The following CLDND2 variants were observed in gnomAD, a reference collection of about 807,000 sequenced individuals.
CLDND2 encodes the protein claudin domain containing 2.
CLDND2 carries 18 observed loss-of-function variants against 17.7 expected under a neutral mutation model. The observed-to-expected ratio is 1.02, with a 90% CI of 0.70 to 1.51. The LOEUF is 1.51. CLDND2 is among the 40% of genes most tolerant of loss of function. The pLI is 0.00. For synonymous variants in CLDND2, 113 were observed against 93.0 expected (o/e 1.22, Z -1.24); for missense variants, 233 against 219.6 (o/e 1.06, Z -0.39).
At position 51,368,419 on chromosome 19, in the gene CLDND2, G is replaced by T. The variant is rs1441380989; in HGVS notation, c.159C>A (p.Ile53=). ...QECNHGICSS[I]PCQTTLAVTV... The stretch of plus-strand genomic sequence containing the variant: ...CGGGCGGAGCCTCACTCTGGCAGGG[G>T]ATGCTGGAGCAGATGCCGTGGTTGC... The change falls in exon 1 of 4, where the codon ATC becomes ATA. Residue 53 remains isoleucine, a synonymous_variant. Transcript: ENST00000291715. The T allele has an allele frequency of 1.2e-6, 2 of 1,612,470 alleles. No individual in the cohort carries two copies. Among genetic ancestry groups the T allele is most frequent in the Admixed American group, 1.7e-5 (1 of 59,944 alleles).
Position 51,367,426 on chromosome 19 carries a change from T to A in CLDND2, c.430+31A>T, listed in dbSNP as rs1479185149. Reference sequence around the variant, plus strand: ...TGGGGTGAGGGTCTTCTGGGCAGTCTCCTCCACCCTCTTCCCGCTGTCCAG... The same window carrying A: ...TGGGGTGAGGGTCTTCTGGGCAGTCACCTCCACCCTCTTCCCGCTGTCCAG... On this transcript the variant is annotated intron_variant, in intron 3 of 3. Transcript: ENST00000291715. This position sits in a 1 kb window ranked among gnomAD's most constrained non-coding sequence, Gnocchi z 7.4. 8.2e-6 allele frequency: 13 copies of A among 1,577,966 alleles called. No homozygotes were observed. Among genetic ancestry groups the A allele is most frequent in the Non-Finnish European group, 1.1e-5 (13 of 1,158,870 alleles).
chr19:51,367,468 G>A lies in CLDND2; in HGVS notation c.419C>T (p.Ser140Leu). ...YFSGWLALPFSILAGFCFLLA... is the reference protein window; with the variant it reads ...YFSGWLALPFLILAGFCFLLA... ...GCTGTCCAGTTTACCCGCGAGAATT[G>A]AGAAGGGTAAGGCCAGCCACCCAGA... is the stretch of plus-strand genomic sequence containing the variant. Residue 140 changes from serine to leucine, a missense_variant, in exon 3 of 4, where the codon TCA becomes TTA. Physicochemically the swap from Ser to Leu is moderately radical, Grantham distance 145. Transcript: ENST00000291715. The surrounding 1 kb of genome is among the most constrained non-coding windows in gnomAD (Gnocchi z 7.4). 1.2e-6 allele frequency: 2 copies of A among 1,600,792 alleles called. No homozygotes were observed. The highest frequency in any genetic ancestry group is 1.7e-6 in the Non-Finnish European group (2 of 1,172,898).
At chr19:51,368,232 G>T in intron 1 of CLDND2, 177 bp downstream of exon 1, 12 of 911,774 alleles carry the variant, frequency 1.3e-5, no homozygotes, top group Non-Finnish European at 2.0e-5. Context: ...ACGGGGAGGG[G>T]GTCGGGGACA....
rs1986479011 is a variant in CLDND2 at position 51,367,845 on chromosome 19, C to A, written c.310+41G>T. On this transcript the variant is annotated intron_variant, in intron 2 of 3. Transcript: ENST00000291715. The surrounding 1 kb of genome is among the most constrained non-coding windows in gnomAD (Gnocchi z 7.4). ...GACCAGGCCCCTCCATCACCCAGGGCCCGCCCCTGCCTGCCCGCCTGGGGC... is the reference window on the plus strand; with the variant it reads ...GACCAGGCCCCTCCATCACCCAGGGACCGCCCCTGCCTGCCCGCCTGGGGC... The A allele has an allele frequency of 1.3e-6, 2 of 1,597,846 alleles. No individual in the cohort carries two copies. Among genetic ancestry groups the A allele is most frequent in the African/African-American group, 2.7e-5 (2 of 74,784 alleles).
rs931606255 is a variant in CLDND2, at chr19:51,368,670, C to T, written c.-93G>A. 2.4e-5 allele frequency: 27 copies of T among 1,111,870 alleles called. 1 individual carries two copies. The African/African-American group carries it at 3.5e-4, about 14-fold the overall frequency. 68.9% of individuals were successfully genotyped at this position (1,111,870 alleles called of 1,614,324 possible). ...CCAGCTGAGGAGCCCGCTTCCTCCA[C>T]ACTCCTCCCCTGGTACTCCTGCCTG... On this transcript the variant is annotated 5_prime_UTR_variant, in exon 1 of 4. It adds an upstream start codon to the 5' untranslated region. Transcript: ENST00000291715.
chr19:51,366,807 G>A (rs1355029317), downstream of CLDND2, among the ~76,000 whole-genome samples: 2 of 151,854 alleles, frequency 1.3e-5, no homozygotes, highest in Admixed American at 1.3e-4. Flanking sequence ...CCATCCCCGT[G>A]TTCCCTGTCC....
Position 51,367,665 on chromosome 19 carries a change from C to T in CLDND2, c.311-89G>A. ...CCCCTTCAGACCCGCCCCCTTCTAT[C>T]AGACCACGCCTATCGCCTCTCAGCC... On this transcript the variant is annotated intron_variant, in intron 2 of 3. Coordinates refer to ENST00000291715, the MANE Select transcript of CLDND2 (RefSeq NM_152353.3). This position sits in a 1 kb window ranked among gnomAD's most constrained non-coding sequence, Gnocchi z 7.4. 1 of 1,518,400 alleles carries T rather than the reference C, an allele frequency of 6.6e-7. No individual in the cohort carries two copies. The highest frequency in any genetic ancestry group is 8.8e-7 in the Non-Finnish European group (1 of 1,132,224). The allele number at this position is 1,518,400 out of a possible 1,614,324, so 94.1% of individuals were successfully genotyped here. A position where few individuals can be genotyped will look rare whatever the true frequency, so the allele number is the denominator to read the frequency against.
rs1430014678 is a variant in CLDND2, at chr19:51,367,385, G to T, written c.430+72C>A. The T allele has an allele frequency of 1.4e-6, 2 of 1,474,074 alleles. No homozygotes were observed. The highest frequency in any genetic ancestry group is 1.9e-6 in the Non-Finnish European group (2 of 1,073,654). 91.3% of individuals were successfully genotyped at this position (1,474,074 alleles called of 1,614,324 possible). A position where few individuals can be genotyped will look rare whatever the true frequency, so the allele number is the denominator to read the frequency against. On this transcript the variant is annotated intron_variant, in intron 3 of 3. Coordinates refer to ENST00000291715, the MANE Select transcript of CLDND2 (RefSeq NM_152353.3). The surrounding 1 kb of genome is among the most constrained non-coding windows in gnomAD (Gnocchi z 7.4). ...GAGGTCCCCGGGGTTTCCTGGGAGG[G>T]CAGCTGGGGAGCCTCTGGGGTGAGG...
At position 51,368,791 on chromosome 19, in the gene CLDND2, G is replaced by A. The variant is rs1986550723; in HGVS notation, c.-214C>T. On this transcript the variant is annotated 5_prime_UTR_variant, in exon 1 of 4. Coordinates refer to ENST00000291715, the MANE Select transcript of CLDND2 (RefSeq NM_152353.3). ...CCCTCCAGACCTCGTTCCCCTTACTGGAGACCTTGAGACTTCCCCTGAGAG... is the reference window on the plus strand; with the variant it reads ...CCCTCCAGACCTCGTTCCCCTTACTAGAGACCTTGAGACTTCCCCTGAGAG... 1.9e-6 allele frequency: 1 copy of A among 540,212 alleles called. No individual in the cohort carries two copies. Among genetic ancestry groups the A allele is most frequent in the Non-Finnish European group, 3.3e-6 (1 of 303,038 alleles). The allele number at this position is 540,212 out of a possible 1,614,324, so 33.5% of individuals were successfully genotyped here.
chr19:51,368,025 G>T lies in CLDND2; in HGVS notation c.171C>A (p.Thr57=). The T allele has an allele frequency of 6.2e-7, 1 of 1,606,728 alleles. No homozygotes were observed. Among genetic ancestry groups the T allele is most frequent in the Non-Finnish European group, 8.5e-7 (1 of 1,177,250 alleles). ...HGICSSIPCQ[T]TLAVTVACMV... is the part of the protein sequence containing the mutation. The stretch of plus-strand genomic sequence containing the variant: ...TGCACGCCACAGTCACCGCCAGCGT[G>T]GCTGGGGAGAGCGGGCGCATCAGCC... Residue 57 remains threonine (T), a splice_region_variant and synonymous_variant, in exon 2 of 4, where the codon ACC becomes ACA. Transcript: ENST00000291715.
At position 51,367,141 on chromosome 19, in the gene CLDND2, G is replaced by C; in HGVS notation, c.*1C>G. 1 of 1,614,148 alleles carries C rather than the reference G, an allele frequency of 6.2e-7. No homozygotes were observed. The highest frequency in any genetic ancestry group is 8.5e-7 in the Non-Finnish European group (1 of 1,179,942). ...TTTATTCTGCCCCAGGCAGGCTGCA[G>C]TCACAGACACACGGGGAATCCACTG... On this transcript the variant is annotated 3_prime_UTR_variant, in exon 4 of 4. Coordinates refer to ENST00000291715, the MANE Select transcript of CLDND2 (RefSeq NM_152353.3). This position sits in a 1 kb window ranked among gnomAD's most constrained non-coding sequence, Gnocchi z 7.4.
Position 51,367,168 on chromosome 19 carries a change from T to C in CLDND2, c.478A>G (p.Ile160Val), listed in dbSNP as rs199917528. ...ADMIMQSTDAISGFPVCL is the reference protein window; with the variant it reads ...ADMIMQSTDAVSGFPVCL The stretch of plus-strand genomic sequence containing the variant: ...CACAGACACACGGGGAATCCACTGA[T>C]GGCGTCGGTGCTCTGCATGATCATG... Residue 160 changes from isoleucine (I) to valine (V), a missense_variant, in exon 4 of 4, where the codon ATC becomes GTC. By Grantham distance (29) the Ile-to-Val change is conservative. Transcript: ENST00000291715. The surrounding 1 kb of genome is among the most constrained non-coding windows in gnomAD (Gnocchi z 7.4). The C allele has an allele frequency of 1.8e-4, 289 of 1,614,200 alleles. No homozygotes were observed. Among genetic ancestry groups the C allele is most frequent in the Admixed American group, 7.0e-4 (42 of 60,024 alleles).
rs1437001509 is a variant in CLDND2, at chr19:51,368,336, A to G, written c.169+73T>C. 2.0e-6 allele frequency: 3 copies of G among 1,499,150 alleles called. No homozygotes were observed. In the Admixed American group the frequency reaches 6.0e-5, roughly 30 times the overall value. 92.9% of individuals were successfully genotyped at this position (1,499,150 alleles called of 1,614,324 possible). A position where few individuals can be genotyped will look rare whatever the true frequency, so the allele number is the denominator to read the frequency against. On this transcript the variant is annotated intron_variant, in intron 1 of 3. Coordinates refer to ENST00000291715, the MANE Select transcript of CLDND2 (RefSeq NM_152353.3). ...GGGTGGAAGGGGTGGGCGTCTCGCCATGGGCCCAGCTGTGTGTCCCGAGCC... is the reference window on the plus strand; with the variant it reads ...GGGTGGAAGGGGTGGGCGTCTCGCCGTGGGCCCAGCTGTGTGTCCCGAGCC...
chr19:51,367,080 A>G, downstream of CLDND2: 5 of 1,546,182 alleles, frequency 3.2e-6, no homozygotes, highest in Non-Finnish European at 4.5e-6. This position sits in a 1 kb window ranked among gnomAD's most constrained non-coding sequence, Gnocchi z 7.4. Flanking sequence ...CCCGCAGAAA[A>G]GCACGCGGAG....
downstream of CLDND2, chr19:51,367,062 C>A: frequency 7.3e-7 from 1 of 1,364,680 alleles, no homozygotes; most frequent in Non-Finnish European, 1.0e-6. The surrounding 1 kb of genome is among the most constrained non-coding windows in gnomAD (Gnocchi z 7.4). Flanking sequence ...GTGCCTGCGT[C>A]CCCACGACCC....
Position 51,368,683 on chromosome 19 carries a change from G to T in CLDND2, c.-106C>A. On this transcript the variant is annotated 5_prime_UTR_variant, in exon 1 of 4. Coordinates refer to ENST00000291715, the MANE Select transcript of CLDND2 (RefSeq NM_152353.3). The stretch of plus-strand genomic sequence containing the variant: ...CCGCTTCCTCCACACTCCTCCCCTG[G>T]TACTCCTGCCTGAGGTCCCTGCTTC... 1 of 1,001,408 alleles carries T rather than the reference G, an allele frequency of 1.0e-6. No individual in the cohort carries two copies. The highest frequency in any genetic ancestry group is 1.4e-6 in the Non-Finnish European group (1 of 700,592). 62.0% of individuals were successfully genotyped at this position (1,001,408 alleles called of 1,614,324 possible).
intron 1 of CLDND2, 185 bp downstream of exon 1, chr19:51,368,224 G>T: frequency 2.3e-6 from 2 of 884,856 alleles, no homozygotes; most frequent in East Asian, 2.6e-5. Context: ...CTACCAGGAC[G>T]GGGAGGGGGT....
Position 51,367,493 on chromosome 19 carries a change from A to G in CLDND2, c.394T>C (p.Ser132Pro). The change falls in exon 3 of 4, where the codon TCT becomes CCT. Residue 132 changes from serine to proline, a missense_variant. Ser to Pro is a moderately conservative substitution (Grantham distance 74). Transcript: ENST00000291715. The surrounding 1 kb of genome is among the most constrained non-coding windows in gnomAD (Gnocchi z 7.4). Reference sequence around the variant, plus strand: ...GAGAAGGGTAAGGCCAGCCACCCAGAAAAATAGGACCAAGAGAAGAAGACG... The same window carrying G: ...GAGAAGGGTAAGGCCAGCCACCCAGGAAAATAGGACCAAGAGAAGAAGACG... ...NNVFFSWSYF[S>P]GWLALPFSIL... The G allele has an allele frequency of 6.2e-7, 1 of 1,606,808 alleles. No homozygotes were observed. Among genetic ancestry groups the G allele is most frequent in the Non-Finnish European group, 8.5e-7 (1 of 1,176,164 alleles).
At position 51,367,742 on chromosome 19, in the gene CLDND2, AG is replaced by A; in HGVS notation, c.310+143del. On this transcript the variant is annotated intron_variant, in intron 2 of 3. Transcript: ENST00000291715. The surrounding 1 kb of genome is among the most constrained non-coding windows in gnomAD (Gnocchi z 7.4). ...TCCTCCCGCTCTGAACTCTGTCTCG[AG>A]CCCCGCCCACCTCTCTCGGCTTCTT... 6.8e-7 allele frequency: 1 copy of A among 1,475,146 alleles called. No individual in the cohort carries two copies. The highest frequency in any genetic ancestry group is 9.0e-7 in the Non-Finnish European group (1 of 1,116,316). The allele number at this position is 1,475,146 out of a possible 1,614,324, so 91.4% of individuals were successfully genotyped here.
Sources: gnomAD v4.1 joint callset for allele counts (sites outside exome capture counted in the v4.1 genomes callset) on GRCh38, gnomAD v4.1.1 for gene constraint, Gnocchi (gnomAD v3.1) non-coding constraint, MANE v1.5 for transcripts, NCBI Gene and HGNC (gene_info 2026-07-23, HGNC 2026-07-21) for gene names.